The following EPHB2 variants were observed in gnomAD, a reference collection of about 807,000 sequenced individuals.
EPHB2 encodes the protein EPH receptor B2.
Under a neutral mutation model 96.4 loss-of-function variants are expected in EPHB2, and 18 were observed. The ratio of observed to expected loss-of-function variants is 0.19; its 90% CI spans 0.13 to 0.28. EPHB2 has a LOEUF of 0.28. EPHB2 is among the 10% of genes least tolerant of loss of function. The pLI is 1.00. For missense variants in EPHB2, 989 were observed against 1,355.4 expected (o/e 0.73, Z 4.25); for synonymous variants, 506 against 534.1 (o/e 0.95, Z 0.72).
At chr1:22,773,034 G>A (rs970399004) in intron 1 of EPHB2, among the ~76,000 whole-genome samples, 2 of 152,110 alleles carry the variant, frequency 1.3e-5, no homozygotes, top group East Asian at 1.9e-4. Context: ...AGACAATATC[G>A]ATGAAGTGCC....
At position 22,913,584 on chromosome 1, in the gene EPHB2, C is replaced by G. The variant is rs756688027; in HGVS notation, c.*14C>G. The G allele has an allele frequency of 6.2e-7, 1 of 1,614,012 alleles. No individual in the cohort carries two copies. The highest frequency in any genetic ancestry group is 8.5e-7 in the Non-Finnish European group (1 of 1,179,986). ...GTGGAGGTTTGACATTCACCTGCCT[C>G]GGCTCACCTCTTCCTCCAAGCCCCG... On this transcript the variant is annotated 3_prime_UTR_variant, in exon 16 of 16. Coordinates refer to ENST00000374630, the MANE Select transcript of EPHB2 (RefSeq NM_017449.5). This position sits in a 1 kb window ranked among gnomAD's most constrained non-coding sequence, Gnocchi z 4.1.
In EPHB2 at chr1:22,913,758, A is replaced by G; in HGVS notation, c.*188A>G. 6.2e-7 allele frequency: 1 copy of G among 1,606,700 alleles called. No homozygotes were observed. Among genetic ancestry groups the G allele is most frequent in the Non-Finnish European group, 8.5e-7 (1 of 1,176,382 alleles). ...ACATGCAACTCAAACGACGGAAAAA[A>G]AAAGGGAATGGGAAAAAAGAAAACA... On this transcript the variant is annotated 3_prime_UTR_variant, in exon 16 of 16. Transcript: ENST00000374630. This position sits in a 1 kb window ranked among gnomAD's most constrained non-coding sequence, Gnocchi z 4.1.
chr1:22,813,597 G>A (rs953126805), intron 3 of EPHB2, among the ~76,000 whole-genome samples: 5 of 152,228 alleles, frequency 3.3e-5, no homozygotes, highest in Middle Eastern at 3.2e-3. Flanking sequence ...TAGGCACCAC[G>A]AGGCATTGGG....
intron 1 of EPHB2, among the ~76,000 whole-genome samples, chr1:22,742,474 T>C (rs1345310923): frequency 6.6e-6 from 1 of 152,070 alleles, no homozygotes; most frequent in Non-Finnish European, 1.5e-5. Context: ...CCAGCCAGAC[T>C]TCCTTCCTTC....
At chr1:22,818,815 A>G (rs576704861) in intron 3 of EPHB2, among the ~76,000 whole-genome samples, 13 of 151,884 alleles carry the variant, frequency 8.6e-5, no homozygotes, top group Non-Finnish European at 1.8e-4. Flanking sequence ...CTCCCCCAAG[A>G]CTGGGGTAGT....
chr1:22,857,860 A>G (rs59250876), intron 3 of EPHB2, among the ~76,000 whole-genome samples: 4,521 of 152,150 alleles, frequency 0.03, 180 homozygotes, highest in East Asian at 0.19. Flanking sequence ...CGGCTCTGCT[A>G]GGGGCTGGAG....
intron 3 of EPHB2, among the ~76,000 whole-genome samples, chr1:22,811,543 A>C (rs1208094457): frequency 2.0e-5 from 3 of 152,226 alleles, no homozygotes; most frequent in African/African-American, 7.2e-5. Flanking sequence ...GATGGAGGGC[A>C]GAAAGTTTAT....
At chr1:22,842,271 G>A (rs919501195) in intron 3 of EPHB2, among the ~76,000 whole-genome samples, 1 of 152,050 alleles carries the variant, frequency 6.6e-6, no homozygotes, top group Non-Finnish European at 1.5e-5. Flanking sequence ...GCAGAGAGGC[G>A]GTGCTGAAAT....
chr1:22,839,124 A>G (rs1645428244), intron 3 of EPHB2, among the ~76,000 whole-genome samples: 2 of 152,172 alleles, frequency 1.3e-5, no homozygotes, highest in Non-Finnish European at 2.9e-5. Flanking sequence ...ACCTGTTGCC[A>G]CTTCTCTGCT....
intron 6 of EPHB2, among the ~76,000 whole-genome samples, chr1:22,887,259 A>G (rs1014451154): frequency 6.6e-6 from 1 of 152,142 alleles, no homozygotes; most frequent in Non-Finnish European, 1.5e-5. Flanking sequence ...AGTCTGTGAT[A>G]TGCCAGCCAC....
At chr1:22,870,929 G>A (rs1638644133) in intron 5 of EPHB2, among the ~76,000 whole-genome samples, 1 of 152,190 alleles carries the variant, frequency 6.6e-6, no homozygotes, top group African/African-American at 2.4e-5. Flanking sequence ...TTAGCTGTGA[G>A]GATTTCAGCT....
In EPHB2 at chr1:22,887,954, CA is replaced by C. The variant is rs563823827; in HGVS notation, c.1429-4929del. Among the ~76,000 whole-genome samples, 275 of 152,296 alleles carry C rather than the reference CA, an allele frequency of 1.8e-3. 4 individuals carry two copies. The highest frequency in any genetic ancestry group is 0.014 in the Admixed American group (209 of 15,296). ...ATCTACCTGGAGAGGTTTGTCCACT[CA>C]TTCATTCACTTTTGCATTCATCCAT... On this transcript the variant is annotated intron_variant, in intron 6 of 15. Coordinates refer to ENST00000374630, the MANE Select transcript of EPHB2 (RefSeq NM_017449.5).
At position 22,858,715 on chromosome 1, in the gene EPHB2, G is replaced by C. The variant is rs1645743593; in HGVS notation, c.812-4322G>C. 6.6e-6 allele frequency among the ~76,000 whole-genome samples: 1 copy of C among 152,164 alleles called. No homozygotes were observed. Among genetic ancestry groups the C allele is most frequent in the African/African-American group, 2.4e-5 (1 of 41,430 alleles). Reference sequence around the variant, plus strand: ...CCACCCAGACCTCTCAGAGGTAGCTGATGGGAGCTGAGGCCCCAGTGCACC... The same window carrying C: ...CCACCCAGACCTCTCAGAGGTAGCTCATGGGAGCTGAGGCCCCAGTGCACC... On this transcript the variant is annotated intron_variant, in intron 3 of 15. Coordinates refer to ENST00000374630, the MANE Select transcript of EPHB2 (RefSeq NM_017449.5). The surrounding 1 kb of genome is among the most constrained non-coding windows in gnomAD (Gnocchi z 7.7).
Position 22,865,204 on chromosome 1 carries a change from A to G in EPHB2, c.1295A>G (p.Asn432Ser), listed in dbSNP as rs1300104922. 1 of 1,614,044 alleles carries G rather than the reference A, an allele frequency of 6.2e-7. No homozygotes were observed. The highest frequency in any genetic ancestry group is 2.2e-5 in the East Asian group (1 of 44,884). ...TTCGCCTCTGTGAACATCACCACCA[A>G]CCAGGCAGGTAAGTGCTTCCGACGT... ...PQFASVNITT[N>S]QAAPSAVSIM... The change falls in exon 5 of 16, where the codon AAC becomes AGC. Residue 432 changes from asparagine (N) to serine (S), a missense_variant. Coordinates refer to ENST00000374630, the MANE Select transcript of EPHB2 (RefSeq NM_017449.5).
chr1:22,853,147 G>T (rs549703357), intron 3 of EPHB2, among the ~76,000 whole-genome samples: 2 of 152,218 alleles, frequency 1.3e-5, no homozygotes, highest in African/African-American at 4.8e-5. Flanking sequence ...TCAGGAGATC[G>T]AAACCATCCT....
intron 3 of EPHB2, chr1:22,836,040 T>A (rs965830517): frequency 2.0e-5 from 3 of 152,096 alleles, no homozygotes; most frequent in African/African-American, 7.2e-5. Context: ...AAAGGTCTTA[T>A]GAATTCAGCT....
chr1:22,911,892 C>A (rs1640115381), intron 14 of EPHB2, among the ~76,000 whole-genome samples: 1 of 152,176 alleles, frequency 6.6e-6, no homozygotes, highest in Non-Finnish European at 1.5e-5. Flanking sequence ...GAGCTTTAAA[C>A]CTCATGAGAG....
chr1:22,888,432 T>C (rs1457871490), intron 6 of EPHB2, among the ~76,000 whole-genome samples: 3 of 152,226 alleles, frequency 2.0e-5, no homozygotes, highest in Non-Finnish European at 4.4e-5. Flanking sequence ...AAGCTTTACC[T>C]GTATTTTCCT....
chr1:22,723,093 A>G (rs1643503742), intron 1 of EPHB2, among the ~76,000 whole-genome samples: 1 of 152,232 alleles, frequency 6.6e-6, no homozygotes, highest in Admixed American at 6.5e-5. Flanking sequence ...CATTCCCATT[A>G]TGGCGACGAC....
Sources: gnomAD v4.1 joint callset for allele counts (sites outside exome capture counted in the v4.1 genomes callset) on GRCh38, gnomAD v4.1.1 for gene constraint, Gnocchi (gnomAD v3.1) non-coding constraint, MANE v1.5 for transcripts, NCBI Gene and HGNC (gene_info 2026-07-23, HGNC 2026-07-21) for gene names.